Variants in SDK1 observed in about 807,000 individuals in gnomAD.
SDK1 encodes the protein protein sidekick-1.
In SDK1, 157 loss-of-function variants were observed where a neutral mutation model predicts 245.5. That is an observed-to-expected ratio of 0.64 (90% confidence interval 0.56 to 0.73). The LOEUF (loss-of-function observed/expected upper bound fraction) is 0.73, where lower values mean the gene tolerates loss of function less well. Among genes scored for constraint, SDK1 ranks in the 30% least tolerant of loss-of-function variants. The pLI, the probability that SDK1 is intolerant of heterozygous loss-of-function variation, is 0.00. For synonymous variants in SDK1, 1,647 were observed against 1,278.5 expected (o/e 1.29, Z -6.15); for missense variants, 3,583 against 3,002.3 (o/e 1.19, Z -4.52).
chr7:3,569,875 A>G (rs1385180702), intron 1 of SDK1, among the ~76,000 whole-genome samples: 2 of 152,258 alleles, frequency 1.3e-5, no homozygotes, highest in East Asian at 3.9e-4. Context: ...TGTTTATTTT[A>G]TGGTTAATGT....
At chr7:4,046,661 C>T (rs1478300273) in intron 17 of SDK1, among the ~76,000 whole-genome samples, 1 of 152,202 alleles carries the variant, frequency 6.6e-6, no homozygotes, top group East Asian at 1.9e-4. Flanking sequence ...TCTCCAGTAA[C>T]ACCCGTTTTA....
intron 1 of SDK1, among the ~76,000 whole-genome samples, chr7:3,560,261 T>A (rs1161302081): frequency 6.6e-6 from 1 of 152,202 alleles, no homozygotes; most frequent in Admixed American, 6.5e-5. Context: ...AATACAAATG[T>A]CCAATTAATT....
At chr7:4,064,651 G>C (rs906646665) in intron 19 of SDK1, among the ~76,000 whole-genome samples, 9 of 152,152 alleles carry the variant, frequency 5.9e-5, no homozygotes, top group Non-Finnish European at 1.3e-4. Context: ...CCAAGATACG[G>C]AATCAACCCA....
chr7:3,604,310 T>C (rs1381307625), intron 1 of SDK1, among the ~76,000 whole-genome samples: 1 of 152,164 alleles, frequency 6.6e-6, no homozygotes, highest in Non-Finnish European at 1.5e-5. Context: ...ATCCATCTGG[T>C]CCTTGTATTA....
At chr7:3,628,063 C>T (rs565988274) in intron 2 of SDK1, among the ~76,000 whole-genome samples, 1 of 152,236 alleles carries the variant, frequency 6.6e-6, no homozygotes, top group Non-Finnish European at 1.5e-5. Context: ...AAGGCTCTTC[C>T]TTAACTGCGC....
intron 1 of SDK1, among the ~76,000 whole-genome samples, chr7:3,393,574 G>A (rs752238426): frequency 3.3e-5 from 5 of 152,094 alleles, no homozygotes; most frequent in Non-Finnish European, 2.9e-5. Context: ...TGGATTATTC[G>A]CAGATCAGAA....
chr7:3,873,239 T>C (rs1373282669), intron 5 of SDK1, among the ~76,000 whole-genome samples: 3 of 152,188 alleles, frequency 2.0e-5, no homozygotes, highest in African/African-American at 7.2e-5. Context: ...GAGATGTTTT[T>C]CTTTAAACAT....
At chr7:4,208,389 G>T in intron 37 of SDK1, 104 bp downstream of exon 37, 1 of 1,018,242 alleles carries the variant, frequency 9.8e-7, no homozygotes, top group Non-Finnish European at 1.5e-6. Context: ...CGCCCAGGCG[G>T]AAGGCAACAC....
At chr7:4,088,971 G>GGGAGGTGAGACTCTCCCTCAGGT (rs1781607050) in intron 22 of SDK1, among the ~76,000 whole-genome samples, 2 of 149,834 alleles carry the variant, frequency 1.3e-5, no homozygotes, top group Non-Finnish European at 3.0e-5. Flanking sequence ...GCCCCTCAGA[G>GGGAGGTGAGACTCTCCCTCAGGT]GGAGGTGAGA....
At chr7:3,584,828 G>T (rs1051398472) in intron 1 of SDK1, among the ~76,000 whole-genome samples, 1 of 151,654 alleles carries the variant, frequency 6.6e-6, no homozygotes, top group South Asian at 2.1e-4. Context: ...GGTTCACGCC[G>T]TTCTGCTGCC....
In SDK1 at chr7:4,139,681, G is replaced by GTGTGTGTATA. The variant is rs1562872661; in HGVS notation, c.4229-6034_4229-6033insATATGTGTGT. Among the ~76,000 whole-genome samples, 152 of 113,464 alleles carry GTGTGTGTATA rather than the reference G, an allele frequency of 1.3e-3. 23 individuals are homozygous for GTGTGTGTATA. The highest frequency in any genetic ancestry group is 5.8e-3 in the African/African-American group (139 of 23,800). 74.4% of individuals were successfully genotyped at this position (113,464 alleles called of 152,430 possible). A position where few individuals can be genotyped will look rare whatever the true frequency, so the allele number is the denominator to read the frequency against. On this transcript the variant is annotated intron_variant, in intron 28 of 44. Transcript: ENST00000404826. The stretch of plus-strand genomic sequence containing the variant: ...TGTGTATATGTGTGTGTGTATATGT[G>GTGTGTGTATA]TGTGTGTGTATGTGTGTGTGTGTAT...
intron 4 of SDK1, among the ~76,000 whole-genome samples, chr7:3,718,945 A>G (rs1470711501): frequency 1.3e-5 from 2 of 152,228 alleles, no homozygotes; most frequent in African/African-American, 4.8e-5. Context: ...CAAAATCAAC[A>G]CATAAAAATC....
intron 1 of SDK1, among the ~76,000 whole-genome samples, chr7:3,359,573 A>G (rs975130958): frequency 5.3e-5 from 8 of 152,074 alleles, no homozygotes; most frequent in Non-Finnish European, 1.0e-4. Context: ...ATGCATTCAG[A>G]TAAACATTTT....
At chr7:3,770,358 TCACCTATTGAAGGA>T (rs1358583281) in intron 4 of SDK1, among the ~76,000 whole-genome samples, 2 of 152,312 alleles carry the variant, frequency 1.3e-5, no homozygotes, top group East Asian at 3.9e-4. Context: ...GTTTCGCCAT[TCACCTATTGAAGGA>T]CACCTGGGAT....
At chr7:4,128,499 A>G (rs373976476) in intron 26 of SDK1, among the ~76,000 whole-genome samples, 53 of 152,362 alleles carry the variant, frequency 3.5e-4, no homozygotes, top group African/African-American at 1.2e-3. Flanking sequence ...GGAGCAGTTC[A>G]GAGAAGGTGG....
intron 5 of SDK1, among the ~76,000 whole-genome samples, chr7:3,826,201 A>T (rs1779770397): frequency 6.6e-6 from 1 of 152,174 alleles, no homozygotes; most frequent in African/African-American, 2.4e-5. Flanking sequence ...ACAAGCCTTG[A>T]GCATTTACTC....
intron 1 of SDK1, among the ~76,000 whole-genome samples, chr7:3,458,599 A>G (rs919660852): frequency 1.3e-5 from 2 of 152,072 alleles, no homozygotes; most frequent in African/African-American, 2.4e-5. Flanking sequence ...ACCATCTACA[A>G]GTATACAACC....
chr7:4,266,045 C>T lies in SDK1; in HGVS notation c.*661C>T, dbSNP rs1033052695. ...CACTGTCTGTGTCACTGCAGTGGTG[C>T]GGTCCTCAGGCTTTTCTGCCTGTCT... On this transcript the variant is annotated 3_prime_UTR_variant, in exon 45 of 45. Coordinates refer to ENST00000404826, the MANE Select transcript of SDK1 (RefSeq NM_152744.4). 38 of 985,332 alleles carry T rather than the reference C, an allele frequency of 3.9e-5. No homozygotes were observed. Among genetic ancestry groups the T allele is most frequent in the Admixed American group, 6.1e-5 (1 of 16,264 alleles). The allele number at this position is 985,332 out of a possible 1,614,324, so 61.0% of individuals were successfully genotyped here. A position where few individuals can be genotyped will look rare whatever the true frequency, so the allele number is the denominator to read the frequency against.
chr7:3,522,170 C>T (rs1466720691), intron 1 of SDK1, among the ~76,000 whole-genome samples: 1 of 151,222 alleles, frequency 6.6e-6, no homozygotes, highest in Non-Finnish European at 1.5e-5. Flanking sequence ...TTTTTTGAGG[C>T]CCTGGTGTTA....
Sources: allele counts gnomAD v4.1 joint callset (sites outside exome capture counted in the v4.1 genomes callset), GRCh38; gene constraint gnomAD v4.1.1; transcripts MANE v1.5; gene names NCBI Gene and HGNC (gene_info 2026-07-23, HGNC 2026-07-21).